Variants in KLHL32 observed in about 807,000 individuals in gnomAD.
The protein encoded by KLHL32 is kelch-like protein 32.
KLHL32 carries 35 observed loss-of-function variants against 64.8 expected under a neutral mutation model. The observed-to-expected ratio is 0.54, with a 90% CI of 0.41 to 0.72. The LOEUF is 0.72. Ranked by LOEUF, KLHL32 falls within the 30% of genes least tolerant of loss-of-function variation. The probability of loss-of-function intolerance (pLI) is 0.00; values close to 1 mark genes in which losing one functional copy is unlikely to be tolerated. For missense variants in KLHL32, 589 were observed against 768.5 expected (o/e 0.77, Z 2.76); for synonymous variants, 259 against 281.0 (o/e 0.92, Z 0.78).
chr6:97,053,742 G>A (rs1180512678), intron 4 of KLHL32, among the ~76,000 whole-genome samples: 1 of 151,312 alleles, frequency 6.6e-6, no homozygotes, highest in African/African-American at 2.4e-5. Context: ...TATATACTAT[G>A]CATTTATATG....
At chr6:96,927,635 A>G (rs1207225314) in intron 1 of KLHL32, among the ~76,000 whole-genome samples, 1 of 152,192 alleles carries the variant, frequency 6.6e-6, no homozygotes, top group Admixed American at 6.5e-5. Flanking sequence ...AGGAAAAGCC[A>G]AAAGATTTGA....
At chr6:96,935,494 A>G (rs570641388) in intron 1 of KLHL32, among the ~76,000 whole-genome samples, 101 of 152,294 alleles carry the variant, frequency 6.6e-4, no homozygotes, top group Non-Finnish European at 1.0e-3. Flanking sequence ...GAAGGAAAAG[A>G]GGAGGGGTCT....
rs145443237 is a variant in KLHL32 at position 96,955,285 on chromosome 6, A to G, written c.-65-11711A>G. Among the ~76,000 whole-genome samples the G allele has an allele frequency of 2.4e-3, 363 of 152,196 alleles. 3 individuals are homozygous for G. Among genetic ancestry groups the G allele is most frequent in the South Asian group, 8.9e-3 (43 of 4,820 alleles). Reference sequence around the variant, plus strand: ...TTTGGATATATATTCCTTGATGCAAATTGAGTTTTTTCTTTGAATTGCCCA... The same window carrying G: ...TTTGGATATATATTCCTTGATGCAAGTTGAGTTTTTTCTTTGAATTGCCCA... On this transcript the variant is annotated intron_variant, in intron 1 of 10. Transcript: ENST00000369261.
At chr6:97,075,184 T>A (rs1315090322) in intron 5 of KLHL32, among the ~76,000 whole-genome samples, 1 of 152,188 alleles carries the variant, frequency 6.6e-6, no homozygotes, top group Non-Finnish European at 1.5e-5. Flanking sequence ...TAAATAGGCC[T>A]TGCAAGACTC....
chr6:97,105,004 G>A (rs1239338861), intron 6 of KLHL32, among the ~76,000 whole-genome samples: 3 of 152,128 alleles, frequency 2.0e-5, no homozygotes, highest in Non-Finnish European at 4.4e-5. Flanking sequence ...CACCTTACAT[G>A]ATTCACGTTA....
the KLHL32 span, among the ~76,000 whole-genome samples, chr6:96,905,996 C>G: frequency 6.6e-6 from 1 of 152,156 alleles, no homozygotes; most frequent in African/African-American, 2.4e-5. Context: ...AGGCACAGCT[C>G]TGCCTTTTTA....
chr6:97,075,901 C>T lies in KLHL32; in HGVS notation c.412-9225C>T, dbSNP rs577516248. Among the ~76,000 whole-genome samples, 6 of 152,318 alleles carry T rather than the reference C, an allele frequency of 3.9e-5. No homozygotes were observed. In the East Asian group the frequency reaches 7.7e-4, roughly 20 times the overall value. ...ATTCATTAAAAGCTTTTATACCCAA[C>T]AGAATAAAGTAAATATTTTTTGATC... On this transcript the variant is annotated intron_variant, in intron 5 of 10. Coordinates refer to ENST00000369261, the MANE Select transcript of KLHL32 (RefSeq NM_052904.4).
chr6:97,052,233 A>G (rs896636276), intron 4 of KLHL32, among the ~76,000 whole-genome samples: 6 of 152,214 alleles, frequency 3.9e-5, no homozygotes, highest in African/African-American at 1.4e-4. Context: ...AGGGAGAATC[A>G]CCATGATTGG....
chr6:96,917,350 C>G, the KLHL32 span, among the ~76,000 whole-genome samples: 1 of 152,142 alleles, frequency 6.6e-6, no homozygotes, highest in Non-Finnish European at 1.5e-5. Context: ...AATGGTTCCC[C>G]TGGAGACTCA....
intron 3 of KLHL32, among the ~76,000 whole-genome samples, chr6:97,010,562 A>G (rs1327334144): frequency 2.0e-5 from 3 of 152,214 alleles, no homozygotes; most frequent in Non-Finnish European, 1.5e-5. Context: ...ATATTGAAGA[A>G]TTTATCCCTC....
intron 5 of KLHL32, among the ~76,000 whole-genome samples, chr6:97,072,020 C>G (rs925495832): frequency 1.3e-5 from 2 of 152,098 alleles, no homozygotes; most frequent in African/African-American, 4.8e-5. Context: ...CTGACTGTAC[C>G]CCATGGACAG....
chr6:97,076,821 C>A (rs1156616995), intron 5 of KLHL32, among the ~76,000 whole-genome samples: 1 of 151,726 alleles, frequency 6.6e-6, no homozygotes, highest in Non-Finnish European at 1.5e-5. Flanking sequence ...TAGGCACGTA[C>A]CTTTATTTAA....
At chr6:97,094,873 G>A (rs900673493) in intron 6 of KLHL32, among the ~76,000 whole-genome samples, 1 of 152,128 alleles carries the variant, frequency 6.6e-6, no homozygotes, top group Admixed American at 6.5e-5. Flanking sequence ...TTGTTGATGA[G>A]GAATGCCCAC....
At position 97,127,306 on chromosome 6, in the gene KLHL32, A is replaced by G. The variant is rs377175499; in HGVS notation, c.1355-98A>G. 47 of 954,390 alleles carry G rather than the reference A, an allele frequency of 4.9e-5. No homozygotes were observed. In the East Asian group the frequency reaches 1.0e-3, roughly 21 times the overall value. 59.1% of individuals were successfully genotyped at this position (954,390 alleles called of 1,614,324 possible). On this transcript the variant is annotated intron_variant, in intron 7 of 10. Transcript: ENST00000369261. ...CATGAGGGTATACAAACAGATCCTC[A>G]GCAGTAGCTAATTCTCCTTTAATTG...
At chr6:97,056,836 C>T (rs905640474) in intron 4 of KLHL32, among the ~76,000 whole-genome samples, 13 of 152,186 alleles carry the variant, frequency 8.5e-5, no homozygotes, top group East Asian at 3.9e-4. Flanking sequence ...CCCCGGAGCT[C>T]GACACCAGGC....
At chr6:97,013,211 G>C (rs988611343) in intron 3 of KLHL32, among the ~76,000 whole-genome samples, 2 of 152,262 alleles carry the variant, frequency 1.3e-5, no homozygotes, top group Middle Eastern at 3.4e-3. Context: ...GCACATCATA[G>C]AAGATGCAGA....
intron 6 of KLHL32, among the ~76,000 whole-genome samples, chr6:97,101,919 G>T (rs1276271284): frequency 6.6e-6 from 1 of 152,092 alleles, no homozygotes; most frequent in African/African-American, 2.4e-5. Context: ...GAATTTAAAA[G>T]GATAATTATA....
chr6:96,938,078 AAAAC>A (rs754340864), intron 1 of KLHL32, among the ~76,000 whole-genome samples: 23 of 152,208 alleles, frequency 1.5e-4, no homozygotes, highest in Non-Finnish European at 2.5e-4. Context: ...TGAATAATTT[AAAAC>A]AAACAAACAG....
chr6:96,923,914 C>G (rs906735196), upstream of KLHL32, among the ~76,000 whole-genome samples: 5 of 152,206 alleles, frequency 3.3e-5, no homozygotes, highest in Non-Finnish European at 5.9e-5. Flanking sequence ...ATGTTTTACA[C>G]AGGAGTGACC....
Sources: gnomAD v4.1 joint callset for allele counts (sites outside exome capture counted in the v4.1 genomes callset) on GRCh38, gnomAD v4.1.1 for gene constraint, MANE v1.5 for transcripts, NCBI Gene and HGNC (gene_info 2026-07-23, HGNC 2026-07-21) for gene names.